Variants in TP73 observed in about 807,000 individuals in gnomAD.
TP73 encodes the protein tumor protein p73, also known as p53-like transcription factor.
Under a neutral mutation model 62.5 loss-of-function variants are expected in TP73, and 25 were observed. The observed-to-expected ratio is 0.40, with a 90% CI of 0.29 to 0.56. The LOEUF (loss-of-function observed/expected upper bound fraction) is 0.56. Among genes scored for constraint, TP73 ranks in the 20% least tolerant of loss-of-function variants. The pLI is 0.46. For missense variants in TP73, 754 were observed against 913.3 expected (o/e 0.83, Z 2.25); for synonymous variants, 423 against 377.5 (o/e 1.12, Z -1.40).
Position 3,729,154 on chromosome 1 carries a change from C to A in TP73, c.1075-173C>A, listed in dbSNP as rs142640090. Among the ~76,000 whole-genome samples, 620 of 152,194 alleles carry A rather than the reference C, an allele frequency of 4.1e-3. 2 individuals are homozygous for A. The highest frequency in any genetic ancestry group is 0.014 in the African/African-American group (588 of 41,432). ...CACTGAGTCAGGGGCTCTGGTTAGACCTGCTTCTTGGGAAGAGGAAAGAAG... is the reference window on the plus strand; with the variant it reads ...CACTGAGTCAGGGGCTCTGGTTAGAACTGCTTCTTGGGAAGAGGAAAGAAG... On this transcript the variant is annotated intron_variant, in intron 9 of 13. Transcript: ENST00000378295.
At chr1:3,669,541 G>A (rs1480397365) in intron 1 of TP73, among the ~76,000 whole-genome samples, 1 of 152,222 alleles carries the variant, frequency 6.6e-6, no homozygotes, top group Non-Finnish European at 1.5e-5. Flanking sequence ...TGGCACGTCC[G>A]GGGGCTTCCC....
rs1570358975 is a variant in TP73, at chr1:3,662,033, T to C, written c.-34+9392T>C. ...ATGATGGTGCCACTGCACTCTAGCCTGGGTGACAGAGTGAGACCCTGTCTC... is the reference window on the plus strand; with the variant it reads ...ATGATGGTGCCACTGCACTCTAGCCCGGGTGACAGAGTGAGACCCTGTCTC... On this transcript the variant is annotated intron_variant, in intron 1 of 13. Coordinates refer to ENST00000378295, the MANE Select transcript of TP73 (RefSeq NM_005427.4). This position sits in a 1 kb window ranked among gnomAD's most constrained non-coding sequence, Gnocchi z 4.4. The C allele has an allele frequency of 6.6e-6, 1 of 151,190 alleles. No homozygotes were observed. Among genetic ancestry groups the C allele is most frequent in the East Asian group, 1.9e-4 (1 of 5,164 alleles). The allele number at this position is 151,190 out of a possible 1,614,324, so 9.4% of individuals were successfully genotyped here.
intron 3 of TP73, among the ~76,000 whole-genome samples, chr1:3,702,759 C>T (rs1639283498): frequency 6.6e-6 from 1 of 152,224 alleles, no homozygotes; most frequent in Non-Finnish European, 1.5e-5. Flanking sequence ...CATGTAGGCA[C>T]TTGTGGCCGC....
intron 12 of TP73, 57 bp from the exon 13 acceptor site, chr1:3,731,406 C>T (rs535938959): frequency 1.0e-5 from 16 of 1,538,962 alleles, no homozygotes; most frequent in Admixed American, 3.4e-5. Flanking sequence ...GATGGGGGCT[C>T]GCGCAGCCCT....
In TP73 at chr1:3,707,720, G is replaced by A. The variant is rs777136008; in HGVS notation, c.358G>A (p.Asp120Asn). Residue 120 changes from aspartate (D) to asparagine (N), a missense_variant, in exon 4 of 14, where the codon GAC becomes AAC. Asp to Asn is a conservative substitution (Grantham distance 23). This residue lies in a region of TP73 where 235 missense variants were observed against 251.4 expected (regional missense o/e 0.93). Transcript: ENST00000378295. ...GGCGCCTGTCATCCCCTCCAACACC[G>A]ACTACCCCGGACCCCACCACTTTGA... Reference protein sequence around the residue: ...SPAPVIPSNTDYPGPHHFEVT... With the variant: ...SPAPVIPSNTNYPGPHHFEVT... 7 of 1,613,108 alleles carry A rather than the reference G, an allele frequency of 4.3e-6. No homozygotes were observed. Among genetic ancestry groups the A allele is most frequent in the East Asian group, 2.2e-5 (1 of 44,866 alleles).
At chr1:3,661,722 GTATA>G (rs3034606) in intron 1 of TP73, among the ~76,000 whole-genome samples, 10,342 of 141,354 alleles carry the variant, frequency 0.073, 518 homozygotes, top group African/African-American at 0.13. Context: ...TGTATTTTGT[GTATA>G]TATATATATA....
intron 3 of TP73, among the ~76,000 whole-genome samples, chr1:3,688,012 G>A (rs562868210): frequency 2.3e-4 from 35 of 152,266 alleles, no homozygotes; most frequent in African/African-American, 7.9e-4. Context: ...AAGGAAGGGC[G>A]CAGGTCCCGT....
rs910479371 is a variant in TP73 at position 3,663,895 on chromosome 1, C to T, written c.-34+11254C>T. On this transcript the variant is annotated intron_variant, in intron 1 of 13. Transcript: ENST00000378295. The surrounding 1 kb of genome is among the most constrained non-coding windows in gnomAD (Gnocchi z 4.7). ...AGCAGGAGAGAGCATACCTGCTTTC[C>T]CTGGCTTCTCAGATGCCACCGTGCC... Among the ~76,000 whole-genome samples, 3 of 152,128 alleles carry T rather than the reference C, an allele frequency of 2.0e-5. No homozygotes were observed. The highest frequency in any genetic ancestry group is 7.2e-5 in the African/African-American group (3 of 41,414).
At chr1:3,674,900 G>A (rs960382862) in intron 1 of TP73, among the ~76,000 whole-genome samples, 19 of 152,342 alleles carry the variant, frequency 1.2e-4, no homozygotes, top group African/African-American at 4.6e-4. Context: ...CTGACCGCCC[G>A]ACCCCTCTGC....
At chr1:3,653,598 A>G (rs181600731) in intron 1 of TP73, among the ~76,000 whole-genome samples, 36 of 152,286 alleles carry the variant, frequency 2.4e-4, no homozygotes, top group Admixed American at 4.6e-4. Context: ...CTGTTTATTC[A>G]CTGTCTGGAC....
intron 4 of TP73, among the ~76,000 whole-genome samples, chr1:3,710,736 C>T (rs1288602853): frequency 6.6e-6 from 1 of 152,136 alleles, no homozygotes; most frequent in African/African-American, 2.4e-5. Context: ...CATACACACG[C>T]ATGTGCACAC....
chr1:3,663,977 G>T lies in TP73; in HGVS notation c.-34+11336G>T, dbSNP rs1013067910. Among the ~76,000 whole-genome samples the T allele has an allele frequency of 2.0e-5, 3 of 152,172 alleles. No homozygotes were observed. The highest frequency in any genetic ancestry group is 4.4e-5 in the Non-Finnish European group (3 of 68,032). On this transcript the variant is annotated intron_variant, in intron 1 of 13. Transcript: ENST00000378295. This position sits in a 1 kb window ranked among gnomAD's most constrained non-coding sequence, Gnocchi z 4.7. ...AATCAGTACCCTGGGGGTCGTGGCC[G>T]GCCCCCCTCCCTCCATGCCACAGGC...
At chr1:3,671,001 G>C (rs1432129090) in intron 1 of TP73, among the ~76,000 whole-genome samples, 1 of 152,218 alleles carries the variant, frequency 6.6e-6, no homozygotes, top group Non-Finnish European at 1.5e-5. Context: ...GTCTGGGGAA[G>C]ACCAGCGTCT....
chr1:3,727,536 C>G, intron 7 of TP73, 92 bp from the exon 8 acceptor site: 1 of 1,514,962 alleles, frequency 6.6e-7, no homozygotes, highest in East Asian at 2.4e-5. Flanking sequence ...CTCTCAAGGC[C>G]GGTCCTGCAG....
chr1:3,677,121 C>T (rs974166047), intron 1 of TP73, among the ~76,000 whole-genome samples: 2 of 152,086 alleles, frequency 1.3e-5, no homozygotes, highest in African/African-American at 4.8e-5. Context: ...CACACAGTCC[C>T]CTCCCCAGCC....
chr1:3,731,398 T>A, intron 12 of TP73, 65 bp from the exon 13 acceptor site: 1 of 1,516,170 alleles, frequency 6.6e-7, no homozygotes, highest in Non-Finnish European at 9.1e-7. Context: ...CTCTCAGAGA[T>A]GGGGGCTCGC....
At chr1:3,698,487 A>G (rs1430109536) in intron 3 of TP73, among the ~76,000 whole-genome samples, 1 of 152,170 alleles carries the variant, frequency 6.6e-6, no homozygotes, top group African/African-American at 2.4e-5. Flanking sequence ...GCCCCTCGCC[A>G]CAACCTGGAA....
At position 3,687,411 on chromosome 1, in the gene TP73, C is replaced by T. The variant is rs567983082; in HGVS notation, c.186+4231C>T. ...AGAGGATAAAGCTCCCTCGTAGGCT[C>T]GCAGGCTGCGAGGAGGCAGTGTGGG... is the stretch of plus-strand genomic sequence containing the variant. On this transcript the variant is annotated intron_variant, in intron 3 of 13. Coordinates refer to ENST00000378295, the MANE Select transcript of TP73 (RefSeq NM_005427.4). 3.0e-3 allele frequency among the ~76,000 whole-genome samples: 458 copies of T among 152,300 alleles called. 2 individuals carry two copies. The highest frequency in any genetic ancestry group is 5.1e-3 in the Non-Finnish European group (349 of 68,004).
At chr1:3,722,744 G>T (rs1641178708) in intron 5 of TP73, among the ~76,000 whole-genome samples, 1 of 145,194 alleles carries the variant, frequency 6.9e-6, no homozygotes, top group African/African-American at 2.6e-5. Context: ...TCTTCACCTG[G>T]CATGGGGCTG....
Sources: allele counts gnomAD v4.1 joint callset (sites outside exome capture counted in the v4.1 genomes callset), GRCh38; gene constraint gnomAD v4.1.1; regional missense constraint gnomAD v4.1.1; non-coding constraint Gnocchi (gnomAD v3.1); transcripts MANE v1.5; gene names NCBI Gene and HGNC (gene_info 2026-07-23, HGNC 2026-07-21).